Variants in ERG observed in about 807,000 individuals in gnomAD.
ERG encodes transcriptional regulator ERG.
A neutral mutation model predicts 55.3 loss-of-function variants in ERG; 9 were observed. The observed-to-expected ratio is 0.16, with a 90% confidence interval of 0.10 to 0.28. The LOEUF is 0.28. Ranked by LOEUF, ERG falls within the 10% of genes least tolerant of loss-of-function variation. The pLI, the probability that ERG is intolerant of heterozygous loss-of-function variation, is 1.00. For missense variants in ERG, 434 were observed against 631.6 expected, an observed-to-expected ratio of 0.69 and a Z score of 3.35; for synonymous variants, 223 against 237.3, an observed-to-expected ratio of 0.94 and a Z score of 0.55.
intron 1 of ERG, among the ~76,000 whole-genome samples, chr21:38,636,448 T>G (rs982262039): frequency 6.6e-6 from 1 of 152,142 alleles, no homozygotes; most frequent in Non-Finnish European, 1.5e-5. Context: ...GAAGGGCTAC[T>G]TATTGGGCTT....
intron 1 of ERG, among the ~76,000 whole-genome samples, chr21:38,475,043 T>A (rs1320210827): frequency 6.6e-6 from 1 of 152,180 alleles, no homozygotes; most frequent in South Asian, 2.1e-4. Context: ...ATTAAATAAG[T>A]TGCCTAGAGC....
intron 2 of ERG, among the ~76,000 whole-genome samples, chr21:38,542,644 C>CTTATGAA (rs2059761211): frequency 6.6e-6 from 1 of 152,112 alleles, no homozygotes; most frequent in African/African-American, 2.4e-5. Context: ...AATTGTTGGT[C>CTTATGAA]TAATCTGTCT....
intron 1 of ERG, among the ~76,000 whole-genome samples, chr21:38,654,669 T>C (rs1012770892): frequency 2.0e-5 from 3 of 152,230 alleles, no homozygotes; most frequent in African/African-American, 7.2e-5. Context: ...ATTTCTATTT[T>C]AAAACTCTGT....
At chr21:38,465,789 G>A (rs181053821) in intron 1 of ERG, among the ~76,000 whole-genome samples, 10 of 152,268 alleles carry the variant, frequency 6.6e-5, no homozygotes, top group African/African-American at 2.2e-4. Flanking sequence ...GTGCAATGAC[G>A]GCCCTAACCA....
intron 2 of ERG, among the ~76,000 whole-genome samples, chr21:38,533,300 C>T (rs1467193238): frequency 1.3e-5 from 2 of 152,118 alleles, no homozygotes; most frequent in African/African-American, 4.8e-5. Flanking sequence ...AATACAAAGA[C>T]GACAACTGGT....
At chr21:38,596,818 T>C (rs1001308377) in intron 1 of ERG, among the ~76,000 whole-genome samples, 1 of 152,168 alleles carries the variant, frequency 6.6e-6, no homozygotes, top group Non-Finnish European at 1.5e-5. Flanking sequence ...GGAAGTGGTT[T>C]ACCTCCCAGG....
chr21:38,579,141 C>T (rs899171937), intron 1 of ERG, among the ~76,000 whole-genome samples: 5 of 152,166 alleles, frequency 3.3e-5, no homozygotes, highest in Non-Finnish European at 5.9e-5. Flanking sequence ...CACATGATGC[C>T]CTGCCAGCCT....
chr21:38,486,356 C>G (rs2059285603), intron 1 of ERG, among the ~76,000 whole-genome samples: 1 of 152,234 alleles, frequency 6.6e-6, no homozygotes, highest in African/African-American at 2.4e-5. Context: ...CCTAGGAGCA[C>G]AGGCTACACT....
intron 1 of ERG, among the ~76,000 whole-genome samples, chr21:38,603,581 A>G (rs1047935735): frequency 1.3e-5 from 2 of 151,740 alleles, no homozygotes; most frequent in Admixed American, 1.3e-4. Flanking sequence ...GGGGCCCATC[A>G]TTGGAAATGC....
At chr21:38,537,437 AAAAAAT>A (rs1436078574) in intron 2 of ERG, among the ~76,000 whole-genome samples, 1 of 116,300 alleles carries the variant, frequency 8.6e-6, no homozygotes, top group African/African-American at 4.0e-5. Flanking sequence ...TATCCAGAAA[AAAAAAT>A]ATATATATAT....
downstream of ERG, among the ~76,000 whole-genome samples, chr21:38,379,065 G>A (rs1319170340): frequency 7.2e-5 from 11 of 152,192 alleles, no homozygotes; most frequent in Admixed American, 5.9e-4. Context: ...CTTTTCACAT[G>A]TGCTGCTGCT....
At chr21:38,615,828 G>A (rs534815029) in intron 1 of ERG, among the ~76,000 whole-genome samples, 26 of 152,036 alleles carry the variant, frequency 1.7e-4, no homozygotes, top group African/African-American at 6.3e-4. Context: ...AGCTACCAAT[G>A]GGATGTCACT....
intron 2 of ERG, among the ~76,000 whole-genome samples, chr21:38,560,432 C>G (rs766710807): frequency 6.6e-6 from 1 of 152,174 alleles, no homozygotes; most frequent in Non-Finnish European, 1.5e-5. Context: ...AGAGCCTGGT[C>G]ATTTCTGCCC....
chr21:38,520,515 A>C (rs1024852650), intron 2 of ERG, among the ~76,000 whole-genome samples: 1 of 152,228 alleles, frequency 6.6e-6, no homozygotes, highest in East Asian at 1.9e-4. Context: ...TTAATCCCAA[A>C]CATGGCGGGA....
At chr21:38,653,957 A>T (rs2060503155) in intron 1 of ERG, among the ~76,000 whole-genome samples, 1 of 152,252 alleles carries the variant, frequency 6.6e-6, no homozygotes, top group Non-Finnish European at 1.5e-5. Context: ...TGTGCTCGTA[A>T]TGTACAAACA....
chr21:38,460,626 T>A lies in ERG; in HGVS notation c.19-15005A>T, dbSNP rs2059033136. Reference sequence around the variant, plus strand: ...CTTTTCATTCAGAGTCTGCAAGGGGTCACGGCCATTTTGAAAGGCTTTGAC... The same window carrying A: ...CTTTTCATTCAGAGTCTGCAAGGGGACACGGCCATTTTGAAAGGCTTTGAC... On this transcript the variant is annotated intron_variant, in intron 1 of 9. Coordinates refer to ENST00000288319, the MANE Select transcript of ERG (RefSeq NM_182918.4). The surrounding 1 kb of genome is among the most constrained non-coding windows in gnomAD (Gnocchi z 5.0). Among the ~76,000 whole-genome samples, 1 of 152,036 alleles carries A rather than the reference T, an allele frequency of 6.6e-6. No homozygotes were observed. The highest frequency in any genetic ancestry group is 2.4e-5 in the African/African-American group (1 of 41,400).
Position 38,594,380 on chromosome 21 carries a change from A to G in ERG, c.-149-9435T>C, listed in dbSNP as rs375955054. On this transcript the variant is annotated intron_variant, in intron 1 of 10. Transcript: ENST00000398910. Reference sequence around the variant, plus strand: ...TGACAACATGCCTCCCCGTTAACCCATGAAGCCTCATAGGTATGCACTGCA... The same window carrying G: ...TGACAACATGCCTCCCCGTTAACCCGTGAAGCCTCATAGGTATGCACTGCA... Among the ~76,000 whole-genome samples, 241 of 152,328 alleles carry G rather than the reference A, an allele frequency of 1.6e-3. 1 individual carries two copies. Among genetic ancestry groups the G allele is most frequent in the African/African-American group, 4.5e-3 (186 of 41,578 alleles).
At chr21:38,485,608 C>T (rs149644501) in intron 1 of ERG, among the ~76,000 whole-genome samples, 4 of 151,488 alleles carry the variant, frequency 2.6e-5, no homozygotes, top group South Asian at 2.1e-4. Flanking sequence ...TACAGGCATG[C>T]GCCACCATGC....
chr21:38,433,976 T>C (rs1201091159), intron 2 of ERG, among the ~76,000 whole-genome samples: 1 of 152,152 alleles, frequency 6.6e-6, no homozygotes, highest in Non-Finnish European at 1.5e-5. Context: ...CATCACATGC[T>C]GGTGAAATGT....
Sources: allele counts gnomAD v4.1 joint callset (sites outside exome capture counted in the v4.1 genomes callset), GRCh38; gene constraint gnomAD v4.1.1; non-coding constraint Gnocchi (gnomAD v3.1); transcripts MANE v1.5; gene names NCBI Gene and HGNC (gene_info 2026-07-23, HGNC 2026-07-21).